KLHL32: variants seen among roughly 807,000 people sequenced by gnomAD.
KLHL32 encodes kelch like family member 32.
In KLHL32, 35 loss-of-function variants were observed where a neutral mutation model predicts 64.8. That is an observed-to-expected ratio of 0.54 (90% CI 0.41 to 0.72). The LOEUF is 0.72. Among genes scored for constraint, KLHL32 ranks in the 30% least tolerant of loss-of-function variants. The pLI, the probability that KLHL32 is intolerant of heterozygous loss-of-function variation, is 0.00. For missense variants in KLHL32, 589 were observed against 768.5 expected, an observed-to-expected ratio of 0.77 and a Z score of 2.76; for synonymous variants, 259 against 281.0, an observed-to-expected ratio of 0.92 and a Z score of 0.78.
intron 6 of KLHL32, among the ~76,000 whole-genome samples, chr6:97,094,317 A>G (rs1411096934): frequency 1.3e-5 from 2 of 152,158 alleles, no homozygotes; most frequent in East Asian, 1.9e-4. Flanking sequence ...AGAATTATTT[A>G]CATTCTAAGG....
intron 6 of KLHL32, among the ~76,000 whole-genome samples, chr6:97,111,328 T>A (rs1275117599): frequency 2.0e-5 from 3 of 152,222 alleles, no homozygotes; most frequent in African/African-American, 7.2e-5. Context: ...TTCTGATGTA[T>A]CCTAGGCAGG....
Position 97,105,836 on chromosome 6 carries a change from A to T in KLHL32, c.628-7947A>T, listed in dbSNP as rs142277010. ...TTCTTTGTTAGCATTGCTTTAAAAG[A>T]TTTGATCACTCATCTGATGAGAGCC... On this transcript the variant is annotated intron_variant, in intron 6 of 10. Coordinates refer to ENST00000369261, the MANE Select transcript of KLHL32 (RefSeq NM_052904.4). Among the ~76,000 whole-genome samples, 17 of 152,310 alleles carry T rather than the reference A, an allele frequency of 1.1e-4. No individual in the cohort carries two copies. The East Asian group carries it at 3.3e-3, about 29-fold the overall frequency.
chr6:97,122,015 A>G (rs1279965490), intron 7 of KLHL32, among the ~76,000 whole-genome samples: 1 of 152,232 alleles, frequency 6.6e-6, no homozygotes, highest in Non-Finnish European at 1.5e-5. Context: ...TCAACTTTCT[A>G]CAGAATGAGG....
At chr6:96,959,394 A>C (rs1014102797) in intron 1 of KLHL32, among the ~76,000 whole-genome samples, 1 of 152,150 alleles carries the variant, frequency 6.6e-6, no homozygotes, top group African/African-American at 2.4e-5. Context: ...TTATTTTCTC[A>C]CAATTCTGGA....
intron 2 of KLHL32, among the ~76,000 whole-genome samples, chr6:96,968,385 C>CA (rs1344300797): frequency 8.6e-5 from 13 of 150,910 alleles, no homozygotes; most frequent in African/African-American, 3.2e-4. Flanking sequence ...AAAACAAAAA[C>CA]AAAAACAAAA....
chr6:96,915,063 A>C, the KLHL32 span: 1 of 152,176 alleles, frequency 6.6e-6, no homozygotes, highest in Non-Finnish European at 1.5e-5. Context: ...AAAAAGAAAG[A>C]ATAAATGTCA....
chr6:97,042,545 T>C (rs1184586063), intron 4 of KLHL32, among the ~76,000 whole-genome samples: 1 of 152,204 alleles, frequency 6.6e-6, no homozygotes, highest in African/African-American at 2.4e-5. Flanking sequence ...GATGTAAATG[T>C]GATGTTCTGA....
intron 5 of KLHL32, among the ~76,000 whole-genome samples, chr6:97,081,300 G>T (rs1342251329): frequency 1.3e-5 from 2 of 152,102 alleles, no homozygotes; most frequent in African/African-American, 2.4e-5. Context: ...GCTGGCTCTG[G>T]TTGTCTGGTA....
At chr6:96,980,870 A>G (rs1012293257) in intron 3 of KLHL32, among the ~76,000 whole-genome samples, 5 of 152,132 alleles carry the variant, frequency 3.3e-5, no homozygotes, top group Admixed American at 6.6e-5. Flanking sequence ...GTAATTTATA[A>G]AGGAAAGAGA....
intron 3 of KLHL32, among the ~76,000 whole-genome samples, chr6:96,993,895 T>C (rs1778153949): frequency 6.6e-6 from 1 of 152,162 alleles, no homozygotes; most frequent in South Asian, 2.1e-4. Context: ...CGGAGTCTTT[T>C]ATAATGAGTA....
At chr6:96,949,164 G>A (rs143439718) in intron 1 of KLHL32, among the ~76,000 whole-genome samples, 1 of 152,162 alleles carries the variant, frequency 6.6e-6, no homozygotes, top group African/African-American at 2.4e-5. Context: ...TGTAAGTTCT[G>A]TGAAAATAGG....
intron 3 of KLHL32, among the ~76,000 whole-genome samples, chr6:97,039,753 A>C (rs1784850720): frequency 6.6e-6 from 1 of 150,720 alleles, no homozygotes; most frequent in Non-Finnish European, 1.5e-5. Context: ...CTGGGAGGCA[A>C]AGGTTGCAGT....
chr6:97,013,203 A>C (rs1441270860), intron 3 of KLHL32, among the ~76,000 whole-genome samples: 1 of 152,224 alleles, frequency 6.6e-6, no homozygotes, highest in African/African-American at 2.4e-5. Context: ...GTAAAGTTGC[A>C]CATCATAGAA....
At chr6:96,995,022 C>T (rs1480139716) in intron 3 of KLHL32, among the ~76,000 whole-genome samples, 1 of 152,210 alleles carries the variant, frequency 6.6e-6, no homozygotes, top group African/African-American at 2.4e-5. Flanking sequence ...ATCTTCTTCA[C>T]TATCCATTCT....
chr6:96,970,624 A>G (rs1389093594), intron 2 of KLHL32, among the ~76,000 whole-genome samples: 1 of 152,214 alleles, frequency 6.6e-6, no homozygotes, highest in East Asian at 1.9e-4. Flanking sequence ...AGTACCCAGC[A>G]CAACACCTGG....
At chr6:97,052,105 T>C (rs910461693) in intron 4 of KLHL32, among the ~76,000 whole-genome samples, 1 of 152,168 alleles carries the variant, frequency 6.6e-6, no homozygotes, top group African/African-American at 2.4e-5. Flanking sequence ...TTCCTAACCA[T>C]ATGTAAAAGA....
intron 1 of KLHL32, among the ~76,000 whole-genome samples, chr6:96,951,741 A>G (rs1772645748): frequency 6.6e-6 from 1 of 152,214 alleles, no homozygotes; most frequent in South Asian, 2.1e-4. Flanking sequence ...TAAGTTTTAT[A>G]TATTTTTTAA....
the KLHL32 span, among the ~76,000 whole-genome samples, chr6:96,909,388 T>A: frequency 6.6e-6 from 1 of 152,186 alleles, no homozygotes; most frequent in Non-Finnish European, 1.5e-5. Flanking sequence ...TGGGACCCAG[T>A]TTTTAGATTC....
intron 3 of KLHL32, among the ~76,000 whole-genome samples, chr6:97,000,121 A>G (rs1778855991): frequency 6.6e-6 from 1 of 152,240 alleles, no homozygotes; most frequent in Admixed American, 6.5e-5. Context: ...CATTTTAATC[A>G]AAGCCAGAAA....
Sources: gnomAD v4.1 joint callset for allele counts (sites outside exome capture counted in the v4.1 genomes callset) on GRCh38, gnomAD v4.1.1 for gene constraint, MANE v1.5 for transcripts, NCBI Gene and HGNC (gene_info 2026-07-23, HGNC 2026-07-21) for gene names.